Variants in RGS6 observed in about 807,000 individuals in gnomAD.
RGS6 encodes regulator of G-protein signaling 6.
RGS6 carries 30 observed loss-of-function variants against 78.5 expected under a neutral mutation model. That is an observed-to-expected ratio of 0.38 (90% CI 0.29 to 0.52). The LOEUF (loss-of-function observed/expected upper bound fraction) is 0.52, where lower values mean the gene tolerates loss of function less well. Among genes scored for constraint, RGS6 ranks in the 20% least tolerant of loss-of-function variants. RGS6 has a pLI of 0.85. For synonymous variants in RGS6, 206 were observed against 206.0 expected (o/e 1.00, Z 0.00); for missense variants, 495 against 609.7 (o/e 0.81, Z 1.98).
chr14:71,893,670 G>A, the RGS6 span, among the ~76,000 whole-genome samples: 1 of 152,140 alleles, frequency 6.6e-6, no homozygotes, highest in Non-Finnish European at 1.5e-5. Flanking sequence ...TTGGGGAAGA[G>A]CTGTACATAT....
intron 2 of RGS6, among the ~76,000 whole-genome samples, chr14:72,300,293 T>TA (rs887575683): frequency 9.9e-5 from 15 of 152,108 alleles, no homozygotes; most frequent in African/African-American, 2.7e-4. Flanking sequence ...AATTTATAGA[T>TA]AAAAAAATGA....
chr14:72,629,476 C>G, the RGS6 span: 3 of 645,842 alleles, frequency 4.6e-6, no homozygotes, highest in East Asian at 8.2e-5. Flanking sequence ...GTCTCTGAGC[C>G]CTCAAGGGCT....
chr14:72,435,008 C>A (rs1435830274), intron 3 of RGS6, among the ~76,000 whole-genome samples: 3 of 152,160 alleles, frequency 2.0e-5, no homozygotes, highest in East Asian at 1.9e-4. Flanking sequence ...TGAGTGAGTT[C>A]TTTCTTTCAA....
At chr14:72,469,273 C>T (rs972533605) in intron 7 of RGS6, among the ~76,000 whole-genome samples, 4 of 150,392 alleles carry the variant, frequency 2.7e-5, no homozygotes, top group African/African-American at 4.9e-5. Flanking sequence ...GGCAGGATCT[C>T]GGCTCACTGC....
chr14:72,550,289 T>C (rs909562032), intron 17 of RGS6, among the ~76,000 whole-genome samples: 3 of 152,144 alleles, frequency 2.0e-5, no homozygotes, highest in African/African-American at 7.2e-5. Flanking sequence ...TAAAACTCTA[T>C]CAGGTGCAGT....
intron 3 of RGS6, among the ~76,000 whole-genome samples, chr14:72,377,749 A>C (rs781537096): frequency 5.3e-5 from 8 of 152,196 alleles, no homozygotes; most frequent in Non-Finnish European, 1.0e-4. Flanking sequence ...AAGACAATGC[A>C]GGAGGATTGT....
chr14:72,185,489 A>T (rs185948385), intron 2 of RGS6, among the ~76,000 whole-genome samples: 1 of 152,338 alleles, frequency 6.6e-6, no homozygotes, highest in Middle Eastern at 3.4e-3. Context: ...AAGTCCTCTC[A>T]ATAACAAATT....
At chr14:72,478,570 T>G (rs2096294203) in intron 12 of RGS6, among the ~76,000 whole-genome samples, 1 of 152,186 alleles carries the variant, frequency 6.6e-6, no homozygotes, top group Non-Finnish European at 1.5e-5. Context: ...CGGGACCTTG[T>G]CAATCAAGGA....
chr14:71,894,881 A>G, the RGS6 span, among the ~76,000 whole-genome samples: 1 of 151,772 alleles, frequency 6.6e-6, no homozygotes, highest in Non-Finnish European at 1.5e-5. Context: ...CTGGAGTGCA[A>G]TGGTGTGATC....
rs571223087 is a variant in RGS6 at position 72,555,789 on chromosome 14, A to G, written c.1423-6628A>G. ...TGGCAAGCATGTTGTGGACATAAGT[A>G]AGTGCGGGTGCTTGTAAAATGCCTC... is the stretch of plus-strand genomic sequence containing the variant. On this transcript the variant is annotated intron_variant, in intron 17 of 17. Coordinates refer to ENST00000553525, the MANE Select transcript of RGS6 (RefSeq NM_001204424.2). 2.1e-4 allele frequency among the ~76,000 whole-genome samples: 32 copies of G among 152,380 alleles called. No homozygotes were observed. In the South Asian group the frequency reaches 6.6e-3, roughly 32 times the overall value.
chr14:72,445,246 T>TA (rs1191888659), intron 3 of RGS6, among the ~76,000 whole-genome samples: 1 of 152,202 alleles, frequency 6.6e-6, no homozygotes, highest in Admixed American at 6.5e-5. Flanking sequence ...GGCTGGAGTG[T>TA]AGTGGTGCAG....
At chr14:72,086,073 T>C (rs1475373077) in intron 2 of RGS6, among the ~76,000 whole-genome samples, 3 of 152,126 alleles carry the variant, frequency 2.0e-5, no homozygotes, top group Non-Finnish European at 4.4e-5. Context: ...CTTTGAGATA[T>C]GCTGAAGTCA....
At chr14:72,348,473 A>G (rs2078482136) in intron 2 of RGS6, among the ~76,000 whole-genome samples, 1 of 152,238 alleles carries the variant, frequency 6.6e-6, no homozygotes, top group African/African-American at 2.4e-5. Flanking sequence ...AGTTCCTGAG[A>G]GCCCACTTGT....
intron 13 of RGS6, among the ~76,000 whole-genome samples, chr14:72,508,434 A>G (rs1444167914): frequency 6.6e-6 from 1 of 152,162 alleles, no homozygotes; most frequent in Non-Finnish European, 1.5e-5. Flanking sequence ...CCCAATAGCC[A>G]CATGGGGCTA....
At chr14:72,257,913 T>C (rs946195081) in intron 2 of RGS6, among the ~76,000 whole-genome samples, 9 of 152,238 alleles carry the variant, frequency 5.9e-5, no homozygotes, top group African/African-American at 2.2e-4. Context: ...TGCTCTAGCA[T>C]TGTTTATAAG....
intron 2 of RGS6, among the ~76,000 whole-genome samples, chr14:72,005,455 A>ATCTATCTATCTATCTATCTATCTG (rs1441224094): frequency 2.0e-5 from 3 of 151,112 alleles, no homozygotes; most frequent in African/African-American, 2.4e-5. Flanking sequence ...CTATCTATCT[A>ATCTATCTATCTATCTATCTATCTG]TCTATCTATC....
At chr14:72,540,397 G>A (rs2097308583) in intron 17 of RGS6, 11 of 1,462,068 alleles carry the variant, frequency 7.5e-6, no homozygotes, top group East Asian at 7.4e-5. Flanking sequence ...TGCTGCCCTC[G>A]GGGCTGTGCG....
chr14:72,300,150 G>T (rs1015253976), intron 2 of RGS6, among the ~76,000 whole-genome samples: 4 of 151,680 alleles, frequency 2.6e-5, no homozygotes, highest in African/African-American at 9.7e-5. Context: ...TGAAAAGATC[G>T]ATGTATTGAT....
intron 2 of RGS6, among the ~76,000 whole-genome samples, chr14:72,050,980 T>C (rs764905681): frequency 1.3e-4 from 20 of 152,224 alleles, no homozygotes; most frequent in Non-Finnish European, 1.9e-4. Flanking sequence ...GTGCTTTTCA[T>C]ACTATGTTCT....
Sources: gnomAD v4.1 joint callset for allele counts (sites outside exome capture counted in the v4.1 genomes callset) on GRCh38, gnomAD v4.1.1 for gene constraint, MANE v1.5 for transcripts, NCBI Gene and HGNC (gene_info 2026-07-23, HGNC 2026-07-21) for gene names.